UCHL5: variants seen among roughly 807,000 people sequenced by gnomAD.
The protein encoded by UCHL5 is ubiquitin C-terminal hydrolase L5, also known as ubiquitin carboxyl-terminal hydrolase isozyme L5.
A neutral mutation model predicts 53.8 loss-of-function variants in UCHL5; 34 were observed. The observed-to-expected ratio is 0.63, with a 90% CI of 0.48 to 0.84. The LOEUF (loss-of-function observed/expected upper bound fraction) is 0.84. Ranked by LOEUF, UCHL5 falls within the 40% of genes least tolerant of loss-of-function variation. The pLI, the probability that UCHL5 is intolerant of heterozygous loss-of-function variation, is 0.00. For synonymous variants in UCHL5, 111 were observed against 126.3 expected, an observed-to-expected ratio of 0.88 and a Z score of 0.81; for missense variants, 290 against 385.6, an observed-to-expected ratio of 0.75 and a Z score of 2.08.
rs1286133541 is a variant in UCHL5 at position 193,059,296 on chromosome 1, C to T, written c.-36G>A. The T allele has an allele frequency of 1.9e-6, 3 of 1,611,674 alleles. No individual in the cohort carries two copies. The highest frequency in any genetic ancestry group is 2.2e-5 in the South Asian group (2 of 90,770). Reference sequence around the variant, plus strand: ...ACACACCGCCCCGATCCACCTCTCGCTCTCAGCTGCCCCCCGCACCAGCTG... The same window carrying T: ...ACACACCGCCCCGATCCACCTCTCGTTCTCAGCTGCCCCCCGCACCAGCTG... On this transcript the variant is annotated 5_prime_UTR_variant, in exon 1 of 11. Transcript: ENST00000367454. The surrounding 1 kb of genome is among the most constrained non-coding windows in gnomAD (Gnocchi z 4.9).
intron 3 of UCHL5, among the ~76,000 whole-genome samples, chr1:193,031,309 A>T (rs1376151209): frequency 6.6e-6 from 1 of 152,174 alleles, no homozygotes; most frequent in African/African-American, 2.4e-5. Flanking sequence ...AAGACACCTT[A>T]AAGATTTAAT....
intron 10 of UCHL5, chr1:193,019,795 A>C (rs1571439003): frequency 1.1e-6 from 1 of 890,508 alleles, no homozygotes; most frequent in African/African-American, 1.8e-5. Context: ...TGCACACACA[A>C]AAAATTCTGT....
chr1:193,054,409 C>G (rs1670017431), intron 1 of UCHL5, among the ~76,000 whole-genome samples: 1 of 152,072 alleles, frequency 6.6e-6, no homozygotes, highest in African/African-American at 2.4e-5. Flanking sequence ...GCACCTCTGC[C>G]AAAAAACACT....
chr1:193,029,133 T>G (rs1459667250), intron 6 of UCHL5, 46 bp downstream of exon 6: 1 of 1,593,734 alleles, frequency 6.3e-7, no homozygotes, highest in Non-Finnish European at 8.5e-7. Flanking sequence ...ACCCAACAGA[T>G]TTTCCCCTGT....
intron 1 of UCHL5, among the ~76,000 whole-genome samples, chr1:193,053,310 TA>T (rs1162028771): frequency 2.0e-5 from 3 of 152,146 alleles, no homozygotes; most frequent in African/African-American, 7.2e-5. Flanking sequence ...GGCCAAACAT[TA>T]AAACATTCTA....
At position 193,047,346 on chromosome 1, in the gene UCHL5, T is replaced by C. The variant is rs74337307; in HGVS notation, c.246+2400A>G. Among the ~76,000 whole-genome samples, 9 of 152,284 alleles carry C rather than the reference T, an allele frequency of 5.9e-5. No homozygotes were observed. The East Asian group carries it at 1.5e-3, about 26-fold the overall frequency. On this transcript the variant is annotated intron_variant, in intron 3 of 10. Transcript: ENST00000367454. Reference sequence around the variant, plus strand: ...ACAAGGATATTCATGTTCATCACTATATTTATATTGCTGTAATGTTAAGTT... The same window carrying C: ...ACAAGGATATTCATGTTCATCACTACATTTATATTGCTGTAATGTTAAGTT...
In UCHL5 at chr1:193,016,291, A is replaced by G. The variant is rs1033565265; in HGVS notation, c.*60T>C. On this transcript the variant is annotated 3_prime_UTR_variant, in exon 11 of 11. Transcript: ENST00000367454. ...GGATGTTGCTCTAAGTTCTTTATAC[A>G]TAATGGTTTCCATGAAAATATGTGC... 28 of 1,585,114 alleles carry G rather than the reference A, an allele frequency of 1.8e-5. No homozygotes were observed. Among genetic ancestry groups the G allele is most frequent in the Middle Eastern group, 1.7e-4 (1 of 5,996 alleles).
chr1:193,034,842 C>T (rs1254356485), intron 3 of UCHL5, among the ~76,000 whole-genome samples: 3 of 151,824 alleles, frequency 2.0e-5, no homozygotes, highest in East Asian at 3.8e-4. Context: ...GAAGAAAATA[C>T]AGAAGATCAT....
intron 3 of UCHL5, among the ~76,000 whole-genome samples, chr1:193,031,364 A>T (rs1220410074): frequency 6.6e-6 from 1 of 152,170 alleles, no homozygotes; most frequent in African/African-American, 2.4e-5. Context: ...GGCAGAAAAG[A>T]TTATCAAACA....
At chr1:193,059,864 C>CGTAGCCTTGCA, upstream of UCHL5, 1 of 1,364,112 alleles carries the variant, frequency 7.3e-7, no homozygotes, top group Non-Finnish European at 9.8e-7. This position sits in a 1 kb window ranked among gnomAD's most constrained non-coding sequence, Gnocchi z 4.9. Context: ...GTCTCTCACC[C>CGTAGCCTTGCA]GCATCCCAGG....
chr1:193,026,395 T>C (rs1659244287), intron 7 of UCHL5, among the ~76,000 whole-genome samples: 1 of 152,202 alleles, frequency 6.6e-6, no homozygotes, highest in South Asian at 2.1e-4. Context: ...TTGCAGGCAA[T>C]GTGTTTGATG....
intron 7 of UCHL5, among the ~76,000 whole-genome samples, chr1:193,025,856 A>G (rs1175121083): frequency 6.6e-6 from 1 of 152,200 alleles, no homozygotes; most frequent in Non-Finnish European, 1.5e-5. Context: ...AATTTTGAAG[A>G]GAAGAATACA....
At chr1:193,043,742 C>T (rs1666486295) in intron 3 of UCHL5, among the ~76,000 whole-genome samples, 1 of 152,152 alleles carries the variant, frequency 6.6e-6, no homozygotes, top group East Asian at 1.9e-4. Flanking sequence ...CCAAGGCCCA[C>T]TAAAAACTTT....
intron 3 of UCHL5, among the ~76,000 whole-genome samples, chr1:193,038,598 T>A (rs563645423): frequency 6.6e-6 from 1 of 152,136 alleles, no homozygotes; most frequent in East Asian, 1.9e-4. Flanking sequence ...GCATCCAAAC[T>A]GGAAAGGAAG....
chr1:193,024,719 A>G (rs946397304), intron 7 of UCHL5, among the ~76,000 whole-genome samples: 1 of 151,750 alleles, frequency 6.6e-6, no homozygotes, highest in Non-Finnish European at 1.5e-5. Flanking sequence ...AGCAACTGAC[A>G]TTAAAAGCAT....
chr1:193,043,189 T>C (rs1666280261), intron 3 of UCHL5, among the ~76,000 whole-genome samples: 1 of 71,362 alleles, frequency 1.4e-5, no homozygotes. Context: ...ACCTATTTCT[T>C]ATAAACTATT....
chr1:193,029,720 G>C, intron 3 of UCHL5, 63 bp from the exon 4 acceptor site: 1 of 1,343,546 alleles, frequency 7.4e-7, no homozygotes, highest in Non-Finnish European at 1.0e-6. Context: ...TTTTTAACTG[G>C]TGACAATGGC....
At chr1:193,038,822 C>T (rs1166729350) in intron 3 of UCHL5, among the ~76,000 whole-genome samples, 1 of 151,972 alleles carries the variant, frequency 6.6e-6, no homozygotes, top group Non-Finnish European at 1.5e-5. Context: ...TAATGAGACC[C>T]TGTCTCTACA....
chr1:193,024,113 T>C (rs1486259435), intron 7 of UCHL5, among the ~76,000 whole-genome samples, 167 bp from the exon 8 acceptor site: 4 of 152,100 alleles, frequency 2.6e-5, no homozygotes, highest in Admixed American at 1.3e-4. Context: ...GTCAGGCACA[T>C]AGGTGCCTCC....
Sources: allele counts gnomAD v4.1 joint callset (sites outside exome capture counted in the v4.1 genomes callset), GRCh38; gene constraint gnomAD v4.1.1; non-coding constraint Gnocchi (gnomAD v3.1); transcripts MANE v1.5; gene names NCBI Gene and HGNC (gene_info 2026-07-23, HGNC 2026-07-21).